CDKAL1: variants seen among roughly 807,000 people sequenced by gnomAD.
CDKAL1 encodes threonylcarbamoyladenosine tRNA methylthiotransferase.
CDKAL1 carries 32 observed loss-of-function variants against 68.2 expected under a neutral mutation model. The ratio of observed to expected loss-of-function variants is 0.47; its 90% CI spans 0.35 to 0.63. The LOEUF is 0.63. Ranked by LOEUF, CDKAL1 falls within the 30% of genes least tolerant of loss-of-function variation. CDKAL1 has a pLI of 0.00. For missense variants in CDKAL1, 606 were observed against 696.7 expected, an observed-to-expected ratio of 0.87 and a Z score of 1.47; for synonymous variants, 234 against 244.3, an observed-to-expected ratio of 0.96 and a Z score of 0.39.
chr6:20,700,376 A>G (rs575790945), intron 5 of CDKAL1, among the ~76,000 whole-genome samples: 191 of 151,990 alleles, frequency 1.3e-3, no homozygotes, highest in Non-Finnish European at 1.4e-3. Context: ...AAAAAAATAA[A>G]TAAAAGTTAA....
chr6:20,610,140 T>C (rs978506918), intron 4 of CDKAL1, among the ~76,000 whole-genome samples: 1 of 152,218 alleles, frequency 6.6e-6, no homozygotes, highest in Non-Finnish European at 1.5e-5. Context: ...TAGTATTCCA[T>C]GGTGTGTATA....
chr6:21,053,112 T>C (rs1376487319), intron 11 of CDKAL1, among the ~76,000 whole-genome samples: 2 of 152,236 alleles, frequency 1.3e-5, no homozygotes, highest in Non-Finnish European at 2.9e-5. Context: ...CAAAAATTTT[T>C]CTAATGTCCA....
intron 13 of CDKAL1, among the ~76,000 whole-genome samples, chr6:21,115,163 C>T (rs1002250653): frequency 6.6e-6 from 1 of 152,196 alleles, no homozygotes; most frequent in African/African-American, 2.4e-5. Flanking sequence ...TTACATTTCT[C>T]TTTTAATCAG....
At chr6:21,199,383 A>C (rs1219839877) in intron 14 of CDKAL1, among the ~76,000 whole-genome samples, 1 of 152,180 alleles carries the variant, frequency 6.6e-6, no homozygotes, top group African/African-American at 2.4e-5. Flanking sequence ...CCAGCACTCC[A>C]TGTCTGGCCT....
chr6:20,741,384 G>C (rs769085889), intron 6 of CDKAL1, among the ~76,000 whole-genome samples: 1 of 151,914 alleles, frequency 6.6e-6, no homozygotes, highest in Non-Finnish European at 1.5e-5. Flanking sequence ...GGTTAAACAC[G>C]CGTCTGTTGT....
chr6:20,885,393 A>C (rs951415839), intron 9 of CDKAL1, among the ~76,000 whole-genome samples: 1 of 152,180 alleles, frequency 6.6e-6, no homozygotes, highest in Non-Finnish European at 1.5e-5. Context: ...ATTTTTGACC[A>C]GGGAACCACA....
chr6:20,872,986 A>G (rs151336383), intron 9 of CDKAL1, among the ~76,000 whole-genome samples: 77 of 152,348 alleles, frequency 5.1e-4, no homozygotes, highest in African/African-American at 1.8e-3. Flanking sequence ...AAGGAGCAGC[A>G]TGTCTTATAG....
intron 9 of CDKAL1, among the ~76,000 whole-genome samples, chr6:20,855,592 G>A (rs1215162285): frequency 6.6e-6 from 1 of 152,044 alleles, no homozygotes. Context: ...ACAGCCATTG[G>A]GGGCTGTAAA....
rs557974622 is a variant in CDKAL1, at chr6:20,808,838, C to T, written c.638+27573C>T. Among the ~76,000 whole-genome samples the T allele has an allele frequency of 2.6e-5, 4 of 152,232 alleles. No homozygotes were observed. The East Asian group carries it at 7.7e-4, about 29-fold the overall frequency. ...CTGTGTTTTCTATTTTGAAACAAGGCTGATTTTTCACTGGGCTCCTGAAAT... is the reference window on the plus strand; with the variant it reads ...CTGTGTTTTCTATTTTGAAACAAGGTTGATTTTTCACTGGGCTCCTGAAAT... On this transcript the variant is annotated intron_variant, in intron 8 of 15. Transcript: ENST00000274695.
intron 12 of CDKAL1, among the ~76,000 whole-genome samples, chr6:21,093,894 CTT>C (rs33945169): frequency 0.23 from 25,688 of 110,586 alleles, 2,004 homozygotes; most frequent in East Asian, 0.36. Context: ...CCACACCTGG[CTT>C]TTTTTTTTTT....
intron 4 of CDKAL1, among the ~76,000 whole-genome samples, chr6:20,554,161 C>T (rs971873427): frequency 3.3e-5 from 5 of 152,326 alleles, no homozygotes; most frequent in Admixed American, 2.0e-4. Flanking sequence ...GCTTGTCTCT[C>T]ATTCAAAGAA....
intron 13 of CDKAL1, among the ~76,000 whole-genome samples, chr6:21,193,891 C>G (rs1367336137): frequency 6.6e-6 from 1 of 152,148 alleles, no homozygotes; most frequent in East Asian, 1.9e-4. Flanking sequence ...TTTTCTGTTG[C>G]TATAACAAAA....
At chr6:21,077,671 C>T (rs746262254) in intron 12 of CDKAL1, among the ~76,000 whole-genome samples, 5 of 152,186 alleles carry the variant, frequency 3.3e-5, no homozygotes, top group Non-Finnish European at 5.9e-5. Flanking sequence ...AGAACTCGCT[C>T]GCTATCATGA....
chr6:20,552,576 T>C (rs1405098949), intron 4 of CDKAL1, among the ~76,000 whole-genome samples: 3 of 151,390 alleles, frequency 2.0e-5, no homozygotes, highest in East Asian at 1.9e-4. Flanking sequence ...TATTTGGGAA[T>C]AGTTAAAAAG....
At chr6:20,711,210 T>C (rs966329802) in intron 5 of CDKAL1, among the ~76,000 whole-genome samples, 1 of 152,230 alleles carries the variant, frequency 6.6e-6, no homozygotes, top group African/African-American at 2.4e-5. Context: ...AGAGTATTTC[T>C]GTTTTGAAAT....
At chr6:21,188,570 A>G (rs756899016) in intron 13 of CDKAL1, among the ~76,000 whole-genome samples, 1 of 152,184 alleles carries the variant, frequency 6.6e-6, no homozygotes, top group Non-Finnish European at 1.5e-5. Flanking sequence ...ACTTATATCC[A>G]GTGTTGGCTC....
At chr6:20,822,543 G>T (rs1478501407) in intron 8 of CDKAL1, among the ~76,000 whole-genome samples, 1 of 152,088 alleles carries the variant, frequency 6.6e-6, no homozygotes, top group Non-Finnish European at 1.5e-5. Context: ...TTGGCTCAGC[G>T]ATAGGGTTAG....
intron 9 of CDKAL1, among the ~76,000 whole-genome samples, chr6:20,929,662 A>G (rs943207310): frequency 1.4e-4 from 21 of 152,176 alleles, no homozygotes; most frequent in African/African-American, 3.6e-4. Context: ...TATTATTATC[A>G]GGATGGAGGC....
intron 2 of CDKAL1, among the ~76,000 whole-genome samples, chr6:20,537,189 T>C (rs1763208715): frequency 6.6e-6 from 1 of 152,174 alleles, no homozygotes; most frequent in African/African-American, 2.4e-5. Context: ...GAACCATTAC[T>C]GTGGAATCGT....
Sources: allele counts gnomAD v4.1 joint callset (sites outside exome capture counted in the v4.1 genomes callset), GRCh38; gene constraint gnomAD v4.1.1; transcripts MANE v1.5; gene names NCBI Gene and HGNC (gene_info 2026-07-23, HGNC 2026-07-21).